The following GPHN variants were observed in gnomAD, a reference collection of about 807,000 sequenced individuals.
GPHN encodes gephyrin.
A neutral mutation model predicts 95.5 loss-of-function variants in GPHN; 17 were observed. The observed-to-expected ratio is 0.18, with a 90% CI of 0.12 to 0.27. GPHN has a LOEUF of 0.27. GPHN is among the 10% of genes least tolerant of loss of function. The pLI, the probability that GPHN is intolerant of heterozygous loss-of-function variation, is 1.00. For synonymous variants in GPHN, 320 were observed against 322.5 expected, an observed-to-expected ratio of 0.99 and a Z score of 0.08; for missense variants, 660 against 978.1, an observed-to-expected ratio of 0.67 and a Z score of 4.34.
chr14:66,787,709 A>G (rs1428629811), intron 3 of GPHN, among the ~76,000 whole-genome samples: 1 of 152,122 alleles, frequency 6.6e-6, no homozygotes, highest in Non-Finnish European at 1.5e-5. Flanking sequence ...ATAAAGATGC[A>G]AAAGCAGTTC....
rs117000345 is a variant in GPHN, at chr14:66,948,604, C to T, written c.829-16587C>T. On this transcript the variant is annotated intron_variant, in intron 8 of 22. Transcript: ENST00000478722. Reference sequence around the variant, plus strand: ...CAAATATGTTAAGCATGCTTTCATTCAAGTCACTGATAAAACTTTTTTTTA... The same window carrying T: ...CAAATATGTTAAGCATGCTTTCATTTAAGTCACTGATAAAACTTTTTTTTA... Among the ~76,000 whole-genome samples, 493 of 152,322 alleles carry T rather than the reference C, an allele frequency of 3.2e-3. 3 individuals are homozygous for T. Among genetic ancestry groups the T allele is most frequent in the South Asian group, 0.022 (104 of 4,830 alleles).
the GPHN span, chr14:67,359,985 T>C: frequency 1.9e-6 from 1 of 534,930 alleles, no homozygotes; most frequent in South Asian, 2.5e-5. Context: ...CCCATCCAGC[T>C]TCCCTGCGGC....
intron 4 of GPHN, among the ~76,000 whole-genome samples, chr14:66,872,725 A>G (rs572372099): frequency 3.6e-4 from 54 of 152,110 alleles, no homozygotes; most frequent in Admixed American, 3.1e-3. Flanking sequence ...GTGAAACCCC[A>G]TCTCTACTAA....
intron 3 of GPHN, among the ~76,000 whole-genome samples, chr14:66,822,709 A>G (rs182707462): frequency 3.2e-4 from 49 of 152,344 alleles, no homozygotes; most frequent in African/African-American, 1.1e-3. Flanking sequence ...GAAAAGTTTG[A>G]ATACCCTCTT....
the GPHN span, among the ~76,000 whole-genome samples, chr14:67,260,534 C>T: frequency 2.6e-5 from 4 of 151,852 alleles, no homozygotes; most frequent in South Asian, 2.1e-4. Flanking sequence ...ACAGCAAAGG[C>T]GTAGATTAAG....
chr14:66,897,506 TA>T (rs1170808691), intron 5 of GPHN, among the ~76,000 whole-genome samples: 1 of 152,088 alleles, frequency 6.6e-6, no homozygotes, highest in Non-Finnish European at 1.5e-5. Context: ...CCCCCTTTCC[TA>T]AACTCTGGCA....
the GPHN span, among the ~76,000 whole-genome samples, chr14:67,242,292 G>A: frequency 1.3e-5 from 2 of 152,190 alleles, no homozygotes; most frequent in Non-Finnish European, 2.9e-5. Flanking sequence ...ATTAAAATCT[G>A]ATGGCTAGGA....
At chr14:67,659,954 C>G in the GPHN span, 19 of 1,596,088 alleles carry the variant, frequency 1.2e-5, no homozygotes, top group Non-Finnish European at 1.6e-5. Context: ...AGCAGATAGC[C>G]TGGTTCTTCC....
the GPHN span, among the ~76,000 whole-genome samples, chr14:67,656,043 C>T: frequency 1.3e-5 from 2 of 152,028 alleles, no homozygotes; most frequent in Non-Finnish European, 1.5e-5. Context: ...GTTAGGAGTT[C>T]GAGACCAGCC....
intron 8 of GPHN, among the ~76,000 whole-genome samples, chr14:66,957,904 G>T (rs576370793): frequency 6.6e-6 from 1 of 152,176 alleles, no homozygotes. Flanking sequence ...AGGGATCTAA[G>T]TTGTGTGCTC....
At chr14:66,977,968 A>G (rs2153596758) in intron 9 of GPHN, among the ~76,000 whole-genome samples, 1 of 152,356 alleles carries the variant, frequency 6.6e-6, no homozygotes. Flanking sequence ...GCAATAAAGC[A>G]AAAATTGCAA....
chr14:66,668,487 C>T (rs1192150551), intron 1 of GPHN, among the ~76,000 whole-genome samples: 2 of 152,050 alleles, frequency 1.3e-5, no homozygotes, highest in African/African-American at 4.8e-5. Context: ...TGCAGGGACA[C>T]GGATGGAGCT....
the GPHN span, among the ~76,000 whole-genome samples, chr14:67,539,822 A>G: frequency 4.6e-5 from 7 of 152,190 alleles, no homozygotes; most frequent in African/African-American, 1.7e-4. Context: ...GTGTGTGTGG[A>G]CAACAGTGCT....
At chr14:66,590,568 T>C (rs1229929665) in intron 1 of GPHN, among the ~76,000 whole-genome samples, 2 of 152,112 alleles carry the variant, frequency 1.3e-5, no homozygotes, top group African/African-American at 4.8e-5. Flanking sequence ...AATGGATAAA[T>C]TCCTGGACGC....
At chr14:67,438,091 C>G in the GPHN span, among the ~76,000 whole-genome samples, 1 of 152,142 alleles carries the variant, frequency 6.6e-6, no homozygotes, top group Admixed American at 6.5e-5. Flanking sequence ...GCTGTCACCC[C>G]CCTCCCAATC....
At chr14:67,387,953 A>G in the GPHN span, among the ~76,000 whole-genome samples, 1 of 152,182 alleles carries the variant, frequency 6.6e-6, no homozygotes, top group Non-Finnish European at 1.5e-5. Flanking sequence ...TGTAAGCCTC[A>G]CCTATTATTT....
At chr14:67,456,300 T>TAA in the GPHN span, among the ~76,000 whole-genome samples, 1 of 152,008 alleles carries the variant, frequency 6.6e-6, no homozygotes, top group African/African-American at 2.4e-5. Context: ...TGACTATCAT[T>TAA]AAAAAGTCAA....
chr14:67,548,131 A>G, the GPHN span, among the ~76,000 whole-genome samples: 11 of 152,216 alleles, frequency 7.2e-5, no homozygotes, highest in Non-Finnish European at 4.4e-5. Flanking sequence ...GAGAAGCCAC[A>G]AAGGCTATTC....
At chr14:66,928,651 G>A (rs1054088779) in intron 8 of GPHN, among the ~76,000 whole-genome samples, 6 of 152,022 alleles carry the variant, frequency 3.9e-5, no homozygotes, top group Admixed American at 2.6e-4. Flanking sequence ...TGATGTAGGT[G>A]CTTATTGGTA....
Sources: allele counts gnomAD v4.1 joint callset (sites outside exome capture counted in the v4.1 genomes callset), GRCh38; gene constraint gnomAD v4.1.1; transcripts MANE v1.5; gene names NCBI Gene and HGNC (gene_info 2026-07-23, HGNC 2026-07-21).